The following INPP4B variants were observed in gnomAD, a reference collection of about 807,000 sequenced individuals.
The protein encoded by INPP4B is inositol polyphosphate-4-phosphatase type II B, also known as inositol polyphosphate 4-phosphatase type II.
INPP4B carries 55 observed loss-of-function variants against 122.5 expected under a neutral mutation model. The observed-to-expected ratio is 0.45, with a 90% CI of 0.36 to 0.56. The LOEUF (loss-of-function observed/expected upper bound fraction) is 0.56. Ranked by LOEUF, INPP4B falls within the 20% of genes least tolerant of loss-of-function variation. The probability of loss-of-function intolerance (pLI) is 0.00; values close to 1 mark genes in which losing one functional copy is unlikely to be tolerated. For missense variants in INPP4B, 1,000 were observed against 1,097.7 expected (o/e 0.91, Z 1.26); for synonymous variants, 403 against 388.7 (o/e 1.04, Z -0.43).
chr4:142,605,621 T>C (rs1435159298), intron 2 of INPP4B, among the ~76,000 whole-genome samples: 1 of 151,616 alleles, frequency 6.6e-6, no homozygotes. Flanking sequence ...GCATCGGTCA[T>C]GAATGCACAT....
chr4:142,779,118 C>T (rs549565116), intron 1 of INPP4B, among the ~76,000 whole-genome samples: 1 of 152,086 alleles, frequency 6.6e-6, no homozygotes, highest in East Asian at 1.9e-4. Flanking sequence ...ACTCCTACAA[C>T]CCCGTCCAAC....
intron 23 of INPP4B, among the ~76,000 whole-genome samples, chr4:142,097,910 AAAC>A: frequency 6.6e-6 from 1 of 152,298 alleles, no homozygotes. Context: ...AATGGAATAG[AAAC>A]AACGTGCTAG....
At chr4:142,809,659 G>A (rs2151117801) in intron 1 of INPP4B, among the ~76,000 whole-genome samples, 1 of 152,232 alleles carries the variant, frequency 6.6e-6, no homozygotes, top group Admixed American at 6.5e-5. Context: ...AGAAAAAATT[G>A]TATAAACATC....
chr4:142,378,983 C>T (rs1793042934), intron 7 of INPP4B, among the ~76,000 whole-genome samples: 2 of 152,048 alleles, frequency 1.3e-5, no homozygotes, highest in Non-Finnish European at 2.9e-5. Context: ...GTAGGGGGTG[C>T]GGGTTGTGGT....
intron 2 of INPP4B, among the ~76,000 whole-genome samples, chr4:142,613,169 A>T (rs578139281): frequency 6.6e-6 from 1 of 152,172 alleles, no homozygotes; most frequent in African/African-American, 2.4e-5. Flanking sequence ...TCAGAGACCT[A>T]CCAGTCTTTA....
At position 142,704,088 on chromosome 4, in the gene INPP4B, AC is replaced by A. The variant is rs567033274; in HGVS notation, c.-191+21750del. 2.0e-5 allele frequency among the ~76,000 whole-genome samples: 3 copies of A among 152,324 alleles called. No individual in the cohort carries two copies. The East Asian group carries it at 5.8e-4, about 29-fold the overall frequency. ...CACAGAGCAGAGGACTCAAGGCCTC[AC>A]CAGCAACACAGGATGCAACGGGATG... On this transcript the variant is annotated intron_variant, in intron 2 of 25. Coordinates refer to ENST00000262992, the MANE Select transcript of INPP4B (RefSeq NM_001101669.3).
chr4:142,723,762 C>T (rs951902495), intron 2 of INPP4B, among the ~76,000 whole-genome samples: 2 of 152,242 alleles, frequency 1.3e-5, no homozygotes, highest in South Asian at 4.1e-4. Context: ...TAAACTTCCA[C>T]TATTTAAACA....
intron 7 of INPP4B, among the ~76,000 whole-genome samples, chr4:142,374,657 G>A (rs1328701342): frequency 1.3e-5 from 2 of 151,846 alleles, no homozygotes; most frequent in Non-Finnish European, 2.9e-5. Flanking sequence ...GTTAAGAAAT[G>A]ACTAGACAAC....
intron 7 of INPP4B, among the ~76,000 whole-genome samples, chr4:142,326,679 T>C (rs751291443): frequency 6.6e-6 from 1 of 152,184 alleles, no homozygotes; most frequent in African/African-American, 2.4e-5. Context: ...TAGACCCGGA[T>C]GGTGATAGGC....
At chr4:142,092,112 T>C (rs548731704) in intron 23 of INPP4B, among the ~76,000 whole-genome samples, 2 of 152,326 alleles carry the variant, frequency 1.3e-5, no homozygotes, top group East Asian at 3.9e-4. Flanking sequence ...GCAAGTGGCC[T>C]GTGCTGTTCC....
intron 2 of INPP4B, among the ~76,000 whole-genome samples, chr4:142,566,719 T>C (rs1731695732): frequency 6.6e-6 from 1 of 152,198 alleles, no homozygotes. Flanking sequence ...ACCCCACTTC[T>C]AGGTTCAGAA....
At chr4:142,642,647 AC>A (rs1269321531) in intron 2 of INPP4B, among the ~76,000 whole-genome samples, 3 of 152,204 alleles carry the variant, frequency 2.0e-5, no homozygotes, top group Admixed American at 2.0e-4. Flanking sequence ...TGGTACCAGT[AC>A]CATGCTGTTT....
At chr4:142,117,435 C>A (rs1028172800) in intron 21 of INPP4B, among the ~76,000 whole-genome samples, 10 of 152,286 alleles carry the variant, frequency 6.6e-5, no homozygotes, top group African/African-American at 2.4e-4. Context: ...CAAACCGAAT[C>A]CAGCAGCACA....
intron 1 of INPP4B, among the ~76,000 whole-genome samples, chr4:142,835,122 C>T (rs183516199): frequency 6.6e-6 from 1 of 152,248 alleles, no homozygotes; most frequent in African/African-American, 2.4e-5. Flanking sequence ...GCTTATAGCT[C>T]GCATATAATT....
In INPP4B at chr4:142,571,514, A is replaced by C. The variant is rs78667682; in HGVS notation, c.-190-108788T>G. Among the ~76,000 whole-genome samples, 561 of 152,248 alleles carry C rather than the reference A, an allele frequency of 3.7e-3. 4 individuals carry two copies. Among genetic ancestry groups the C allele is most frequent in the African/African-American group, 0.013 (527 of 41,570 alleles). On this transcript the variant is annotated intron_variant, in intron 2 of 25. Coordinates refer to ENST00000262992, the MANE Select transcript of INPP4B (RefSeq NM_001101669.3). ...TATATATAATCATAAATGCCGGAGA[A>C]ACTTTGTTCTGAGTTTCACTTAATA...
intron 2 of INPP4B, among the ~76,000 whole-genome samples, chr4:142,661,631 T>C (rs13435036): frequency 6.6e-6 from 1 of 152,202 alleles, no homozygotes; most frequent in Non-Finnish European, 1.5e-5. Context: ...AAACCCTTTT[T>C]AAAAATACAA....
chr4:142,269,247 CTAATGAA>C (rs1453898436), intron 10 of INPP4B, among the ~76,000 whole-genome samples: 2 of 152,138 alleles, frequency 1.3e-5, no homozygotes, highest in Non-Finnish European at 2.9e-5. Flanking sequence ...TCACTGAGCA[CTAATGAA>C]AGCCTCACTA....
At position 142,028,590 on chromosome 4, in the gene INPP4B, A is replaced by G; in HGVS notation, c.*192T>C. 1 of 582,342 alleles carries G rather than the reference A, an allele frequency of 1.7e-6. No individual in the cohort carries two copies. The highest frequency in any genetic ancestry group is 3.0e-6 in the Non-Finnish European group (1 of 338,574). The allele number at this position is 582,342 out of a possible 1,614,324, so 36.1% of individuals were successfully genotyped here. A position where few individuals can be genotyped will look rare whatever the true frequency, so the allele number is the denominator to read the frequency against. On this transcript the variant is annotated 3_prime_UTR_variant, in exon 26 of 26. Transcript: ENST00000262992. The stretch of plus-strand genomic sequence containing the variant: ...AAATGACAGTACTGAATCATGTAAG[A>G]TTTTTTAAAATGGATTTCTTTCAGA...
At chr4:142,582,653 C>G (rs1252767918) in intron 2 of INPP4B, among the ~76,000 whole-genome samples, 1 of 152,048 alleles carries the variant, frequency 6.6e-6, no homozygotes, top group African/African-American at 2.4e-5. Flanking sequence ...TTGTAAAAAC[C>G]TTGCAATAAC....
Sources: allele counts gnomAD v4.1 joint callset (sites outside exome capture counted in the v4.1 genomes callset), GRCh38; gene constraint gnomAD v4.1.1; transcripts MANE v1.5; gene names NCBI Gene and HGNC (gene_info 2026-07-23, HGNC 2026-07-21).